Variants in PCDHGA3 observed in about 807,000 individuals in gnomAD.
The protein encoded by PCDHGA3 is protocadherin gamma subfamily A, 3.
Under a neutral mutation model 58.5 loss-of-function variants are expected in PCDHGA3, and 40 were observed. That is an observed-to-expected ratio of 0.68 (90% CI 0.53 to 0.89). PCDHGA3 has a LOEUF of 0.89. PCDHGA3 is among the 40% of genes least tolerant of loss of function. The probability of loss-of-function intolerance (pLI) is 0.00; values close to 1 mark genes in which losing one functional copy is unlikely to be tolerated. For missense variants in PCDHGA3, 1,223 were observed against 1,195.9 expected (o/e 1.02, Z -0.33); for synonymous variants, 530 against 525.7 (o/e 1.01, Z -0.11).
rs1185020546 is a variant in PCDHGA3, at chr5:141,485,472, C to A, written c.2425-9335C>A. 3 of 1,614,138 alleles carry A rather than the reference C, an allele frequency of 1.9e-6. No homozygotes were observed. Among genetic ancestry groups the A allele is most frequent in the Non-Finnish European group, 2.5e-6 (3 of 1,180,022 alleles). On this transcript the variant is annotated intron_variant, in intron 1 of 3. Transcript: ENST00000253812. The surrounding 1 kb of genome is among the most constrained non-coding windows in gnomAD (Gnocchi z 5.7). The stretch of plus-strand genomic sequence containing the variant: ...CGAGAGGCACTGTGTGGGCTCAGTG[C>A]CAGCTGCATCGTGCCCCTGGAGTTT...
intron 1 of PCDHGA3, chr5:141,414,969 G>A (rs764972439): frequency 7.4e-6 from 12 of 1,613,954 alleles, no homozygotes; most frequent in South Asian, 1.1e-5. Context: ...TGGTGGCGGT[G>A]GACAGAGACT....
intron 1 of PCDHGA3, chr5:141,399,393 C>A: frequency 6.2e-7 from 1 of 1,613,976 alleles, no homozygotes; most frequent in Non-Finnish European, 8.5e-7. Flanking sequence ...CAGCCACAGA[C>A]AGGGGCAAGC....
rs1239481973 is a variant in PCDHGA3 at position 141,491,585 on chromosome 5, C to G, written c.2425-3222C>G. On this transcript the variant is annotated intron_variant, in intron 1 of 3. Coordinates refer to ENST00000253812, the MANE Select transcript of PCDHGA3 (RefSeq NM_018916.4). The surrounding 1 kb of genome is among the most constrained non-coding windows in gnomAD (Gnocchi z 6.9). ...TACAGGACGTGCTTTTCACCGGCCT[C>G]GGACGGCAGTGACTTCACTTTTCTA... 6.2e-7 allele frequency: 1 copy of G among 1,613,964 alleles called. No individual in the cohort carries two copies.
chr5:141,428,426 C>T (rs1040765233), intron 1 of PCDHGA3: 1 of 435,172 alleles, frequency 2.3e-6, no homozygotes, highest in African/African-American at 2.0e-5. Context: ...GGTCTCTGTT[C>T]TAAGACTAGA....
intron 1 of PCDHGA3, chr5:141,413,373 C>T (rs1421093311): frequency 1.2e-6 from 2 of 1,613,946 alleles, no homozygotes; most frequent in Non-Finnish European, 1.7e-6. Flanking sequence ...TGGCGGAGCG[C>T]GGAGTCCGCA....
At position 141,400,283 on chromosome 5, in the gene PCDHGA3, C is replaced by T. The variant is rs566639489; in HGVS notation, c.2424+53826C>T. 2.5e-6 allele frequency: 4 copies of T among 1,614,084 alleles called. No individual in the cohort carries two copies. In the African/African-American group the frequency reaches 5.3e-5, roughly 22 times the overall value. On this transcript the variant is annotated intron_variant, in intron 1 of 3. Coordinates refer to ENST00000253812, the MANE Select transcript of PCDHGA3 (RefSeq NM_018916.4). The stretch of plus-strand genomic sequence containing the variant: ...CTGCGACGCTCCTCCAGCCCTGCCG[C>T]CTGGAGCTGCTTCCAACCTGGTCTC...
chr5:141,489,428 G>C lies in PCDHGA3; in HGVS notation c.2425-5379G>C, dbSNP rs561792279. The C allele has an allele frequency of 1.2e-6, 2 of 1,613,994 alleles. No individual in the cohort carries two copies. Among genetic ancestry groups the C allele is most frequent in the Non-Finnish European group, 1.7e-6 (2 of 1,180,038 alleles). On this transcript the variant is annotated intron_variant, in intron 1 of 3. Coordinates refer to ENST00000253812, the MANE Select transcript of PCDHGA3 (RefSeq NM_018916.4). This position sits in a 1 kb window ranked among gnomAD's most constrained non-coding sequence, Gnocchi z 4.5. The stretch of plus-strand genomic sequence containing the variant: ...AAGATGACAGATCTGTTGAGCCGGC[G>C]GCTGCAATTGGGCTCTGAGGAGAAT...
At position 141,385,031 on chromosome 5, in the gene PCDHGA3, T is replaced by C; in HGVS notation, c.2424+38574T>C. The C allele has an allele frequency of 1.9e-6, 3 of 1,614,190 alleles. No individual in the cohort carries two copies. The African/African-American group carries it at 4.0e-5, about 21-fold the overall frequency. The stretch of plus-strand genomic sequence containing the variant: ...GTCTTCCTAGCCTTCGTCCTCGTAC[T>C]GCTGGCGCTCAGGCTGCGGCGCTGG... On this transcript the variant is annotated intron_variant, in intron 1 of 3. Coordinates refer to ENST00000253812, the MANE Select transcript of PCDHGA3 (RefSeq NM_018916.4).
At chr5:141,509,032 A>G (rs2099873869) in intron 3 of PCDHGA3, among the ~76,000 whole-genome samples, 1 of 151,488 alleles carries the variant, frequency 6.6e-6, no homozygotes, top group African/African-American at 2.4e-5. Flanking sequence ...CTCCCACTCA[A>G]CCCCTCTCCC....
At chr5:141,494,215 G>T (rs984086536) in intron 1 of PCDHGA3, among the ~76,000 whole-genome samples, 2 of 152,200 alleles carry the variant, frequency 1.3e-5, no homozygotes, top group Non-Finnish European at 2.9e-5. Context: ...GCCCAATCTG[G>T]CATGACTCCT....
rs568123995 is a variant in PCDHGA3 at position 141,511,539 on chromosome 5, C to G, written c.*366C>G. The G allele has an allele frequency of 3.0e-5, 10 of 328,342 alleles. No individual in the cohort carries two copies. The highest frequency in any genetic ancestry group is 2.1e-4 in the African/African-American group (10 of 47,452). The allele number at this position is 328,342 out of a possible 1,614,324, so 20.3% of individuals were successfully genotyped here. ...CATCCCATGCCTCCCTCCTCCCCAC[C>G]CCACTCCAACAGTTCCTCTTTCCCG... On this transcript the variant is annotated 3_prime_UTR_variant, in exon 4 of 4. Transcript: ENST00000253812.
chr5:141,494,948 G>C (rs909146), intron 2 of PCDHGA3, 83 bp downstream of exon 2: 1 of 1,608,226 alleles, frequency 6.2e-7, no homozygotes, highest in South Asian at 1.1e-5. Flanking sequence ...GGAGGGCCCA[G>C]CATTTGCTAC....
In PCDHGA3 at chr5:141,345,728, C is replaced by T. The variant is rs755670314; in HGVS notation, c.1695C>T (p.Pro565=). 146 of 1,614,098 alleles carry T rather than the reference C, an allele frequency of 9.0e-5. 1 individual carries two copies. In the South Asian group the frequency reaches 1.1e-3, roughly 12 times the overall value. ...QNDNAPEILY[P]ALPTDGSTGV... ...ACAACGCGCCCGAGATCCTGTACCCCGCCCTCCCCACAGACGGTTCCACTG... is the reference window on the plus strand; with the variant it reads ...ACAACGCGCCCGAGATCCTGTACCCTGCCCTCCCCACAGACGGTTCCACTG... Residue 565 remains proline (P), a synonymous_variant, in exon 1 of 4, where the codon CCC becomes CCT. Coordinates refer to ENST00000253812, the MANE Select transcript of PCDHGA3 (RefSeq NM_018916.4).
At chr5:141,384,942 C>T (rs769507654) in intron 1 of PCDHGA3, 10 of 1,613,874 alleles carry the variant, frequency 6.2e-6, no homozygotes, top group African/African-American at 2.7e-5. Flanking sequence ...TTGAGCCCTC[C>T]GACGGTCCTT....
chr5:141,443,826 G>C (rs955306823), intron 1 of PCDHGA3, among the ~76,000 whole-genome samples: 1 of 151,978 alleles, frequency 6.6e-6, no homozygotes, highest in African/African-American at 2.4e-5. Flanking sequence ...AACATAATTA[G>C]GTAAAATGGG....
At chr5:141,387,570 A>T (rs1490079513) in intron 1 of PCDHGA3, 4 of 455,052 alleles carry the variant, frequency 8.8e-6, no homozygotes, top group Non-Finnish European at 1.2e-5. Flanking sequence ...CACAATTATA[A>T]TTATTGCACT....
chr5:141,456,968 A>AAAACAAAC (rs202005606), intron 1 of PCDHGA3, among the ~76,000 whole-genome samples: 1 of 152,282 alleles, frequency 6.6e-6, no homozygotes, highest in Admixed American at 6.5e-5. Flanking sequence ...ATCTCAAAAC[A>AAAACAAAC]AAACAAACAA....
At chr5:141,400,000 G>A (rs765622041) in intron 1 of PCDHGA3, 1 of 1,612,388 alleles carries the variant, frequency 6.2e-7, no homozygotes, top group Non-Finnish European at 8.5e-7. Context: ...GGTGCGCACA[G>A]CGCGTGCCTT....
intron 1 of PCDHGA3, chr5:141,393,832 T>C (rs953592252): frequency 6.2e-7 from 1 of 1,613,866 alleles, no homozygotes; most frequent in African/African-American, 1.3e-5. Context: ...GTGGAAGATG[T>C]AAATGACAAT....
Sources: gnomAD v4.1 joint callset for allele counts (sites outside exome capture counted in the v4.1 genomes callset) on GRCh38, gnomAD v4.1.1 for gene constraint, Gnocchi (gnomAD v3.1) non-coding constraint, MANE v1.5 for transcripts, NCBI Gene and HGNC (gene_info 2026-07-23, HGNC 2026-07-21) for gene names.